AOPEP: variants seen among roughly 807,000 people sequenced by gnomAD.
AOPEP encodes aminopeptidase O (putative).
A neutral mutation model predicts 98.1 loss-of-function variants in AOPEP; 77 were observed. The observed-to-expected ratio is 0.78, with a 90% CI of 0.65 to 0.95. AOPEP has a LOEUF of 0.95. Ranked by LOEUF, AOPEP falls within the 40% of genes least tolerant of loss-of-function variation. The pLI is 0.00. For synonymous variants in AOPEP, 346 were observed against 365.3 expected (o/e 0.95, Z 0.60); for missense variants, 1,024 against 1,024.7 (o/e 1.00, Z 0.01).
chr9:95,107,751 T>C, the AOPEP span, among the ~76,000 whole-genome samples: 2 of 152,084 alleles, frequency 1.3e-5, no homozygotes, highest in Non-Finnish European at 2.9e-5. Flanking sequence ...CACACACACA[T>C]GCACGCACGT....
chr9:95,150,185 C>G, the AOPEP span: 1 of 1,225,050 alleles, frequency 8.2e-7, no homozygotes, highest in South Asian at 1.3e-5. Context: ...AGACAGATCA[C>G]CTGTTTTGCC....
At chr9:95,111,394 C>A in the AOPEP span, 2 of 1,597,418 alleles carry the variant, frequency 1.3e-6, no homozygotes, top group African/African-American at 1.3e-5. Context: ...CAACAGAGCC[C>A]CTCTCTGCAA....
At chr9:94,823,988 A>G (rs760745320) in intron 5 of AOPEP, among the ~76,000 whole-genome samples, 4 of 152,194 alleles carry the variant, frequency 2.6e-5, no homozygotes, top group Non-Finnish European at 5.9e-5. Flanking sequence ...TATTTATTAA[A>G]TGAGAGAAAG....
the AOPEP span, chr9:95,114,773 C>A: frequency 7.1e-7 from 1 of 1,401,390 alleles, no homozygotes; most frequent in Non-Finnish European, 1.0e-6. Flanking sequence ...TGAGGAACCA[C>A]CTGCAGGGAT....
intron 10 of AOPEP, among the ~76,000 whole-genome samples, chr9:94,975,820 C>T (rs1285930857): frequency 1.3e-5 from 2 of 152,238 alleles, no homozygotes; most frequent in Non-Finnish European, 2.9e-5. Flanking sequence ...AAGGCAGGGC[C>T]CGGTAGCAGG....
At chr9:94,996,350 C>CTGTG (rs10608161) in intron 11 of AOPEP, among the ~76,000 whole-genome samples, 17,396 of 141,622 alleles carry the variant, frequency 0.12, 1,126 homozygotes, top group East Asian at 0.21. Context: ...TTACTTGCCT[C>CTGTG]TGTGTGTGTG....
chr9:94,986,239 T>C (rs2060510235), intron 11 of AOPEP, among the ~76,000 whole-genome samples: 1 of 152,186 alleles, frequency 6.6e-6, no homozygotes, highest in Non-Finnish European at 1.5e-5. Flanking sequence ...CACATGTCTG[T>C]CCTTACCTGC....
At chr9:95,095,870 G>A in the AOPEP span, among the ~76,000 whole-genome samples, 1,767 of 152,338 alleles carry the variant, frequency 0.012, 29 homozygotes, top group African/African-American at 0.04. Flanking sequence ...GGGAGTGGCC[G>A]GGGCTGGACA....
At chr9:95,123,898 A>T in the AOPEP span, 1 of 482,610 alleles carries the variant, frequency 2.1e-6, no homozygotes, top group Non-Finnish European at 3.9e-6. Context: ...CTGAAGACGG[A>T]CTATTCTCTT....
chr9:94,785,583 G>C (rs955366544), intron 3 of AOPEP, among the ~76,000 whole-genome samples: 4 of 152,198 alleles, frequency 2.6e-5, no homozygotes, highest in Non-Finnish European at 4.4e-5. Context: ...GCTTGTGCCT[G>C]AAGTTAAGGA....
At chr9:94,880,313 G>T (rs1053146442) in intron 5 of AOPEP, among the ~76,000 whole-genome samples, 3 of 151,028 alleles carry the variant, frequency 2.0e-5, no homozygotes, top group Non-Finnish European at 4.4e-5. Flanking sequence ...TTTTAATAAT[G>T]TAATTTTTAT....
intron 5 of AOPEP, among the ~76,000 whole-genome samples, chr9:94,823,832 A>G (rs1406365984): frequency 6.6e-6 from 1 of 152,202 alleles, no homozygotes; most frequent in East Asian, 1.9e-4. Flanking sequence ...TATCACTGAG[A>G]ACCCTAGGCA....
rs145414026 is a variant in AOPEP, at chr9:94,760,550, C to T, written c.767C>T (p.Ser256Leu). 40 of 1,557,642 alleles carry T rather than the reference C, an allele frequency of 2.6e-5. No homozygotes were observed. In the East Asian group the frequency reaches 2.7e-4, roughly 10 times the overall value. The change falls in exon 2 of 17, where the codon TCG becomes TTG. Residue 256 changes from serine (S) to leucine (L), a missense_variant. Physicochemically the swap from Ser to Leu is moderately radical, Grantham distance 145 (BLOSUM62 -2). Transcript: ENST00000375315. ...TACAAAACTAAACCTGAAGGGCGAT[C>T]GGTTACATGGACCTCAGACCAGAGT... is the stretch of plus-strand genomic sequence containing the variant. ...IWYKTKPEGR[S>L]VTWTSDQSGR...
chr9:94,928,586 G>C, intron 7 of AOPEP, 55 bp downstream of exon 7: 3 of 1,268,114 alleles, frequency 2.4e-6, no homozygotes, highest in Non-Finnish European at 3.4e-6. Context: ...TTTCCTTCAA[G>C]ACACCTCCCT....
the AOPEP span, among the ~76,000 whole-genome samples, chr9:95,120,182 C>T: frequency 6.6e-6 from 1 of 152,198 alleles, no homozygotes; most frequent in Admixed American, 6.5e-5. Context: ...CTCAAATTAA[C>T]TGTTGTGTGC....
intron 3 of AOPEP, among the ~76,000 whole-genome samples, chr9:94,779,922 G>A (rs1194346201): frequency 6.6e-6 from 1 of 152,100 alleles, no homozygotes; most frequent in Non-Finnish European, 1.5e-5. Flanking sequence ...TCATCCTTAT[G>A]TTCTTTTCTC....
the AOPEP span, among the ~76,000 whole-genome samples, chr9:95,097,728 G>A: frequency 4.5e-3 from 685 of 152,302 alleles, 7 homozygotes; most frequent in African/African-American, 0.015. Flanking sequence ...TGACAGGAGC[G>A]GGAGGGAAGG....
chr9:95,071,701 C>T (rs963473552), intron 14 of AOPEP, among the ~76,000 whole-genome samples: 2 of 152,154 alleles, frequency 1.3e-5, no homozygotes, highest in African/African-American at 2.4e-5. Context: ...AAGAGCTCAT[C>T]TGCTCTGTCT....
At chr9:95,052,842 G>C (rs1403547230) in intron 13 of AOPEP, among the ~76,000 whole-genome samples, 1 of 152,168 alleles carries the variant, frequency 6.6e-6, no homozygotes, top group East Asian at 1.9e-4. Flanking sequence ...CTGAGCATGT[G>C]ACTGTTTGAC....
Sources: gnomAD v4.1 joint callset for allele counts (sites outside exome capture counted in the v4.1 genomes callset) on GRCh38, gnomAD v4.1.1 for gene constraint, MANE v1.5 for transcripts, NCBI Gene and HGNC (gene_info 2026-07-23, HGNC 2026-07-21) for gene names.